The following PDRG1 variants were observed in gnomAD, a reference collection of about 807,000 sequenced individuals.
PDRG1 encodes p53 and DNA damage-regulated protein 1.
In PDRG1, 14 loss-of-function variants were observed where a neutral mutation model predicts 18.4. That is an observed-to-expected ratio of 0.76 (90% CI 0.50 to 1.19). The LOEUF (loss-of-function observed/expected upper bound fraction) is 1.19, where lower values mean the gene tolerates loss of function less well. Among genes scored for constraint, PDRG1 ranks in the 50% most tolerant of loss-of-function variants. The pLI is 0.00. For synonymous variants in PDRG1, 65 were observed against 60.9 expected (o/e 1.07, Z -0.31); for missense variants, 177 against 160.1 (o/e 1.11, Z -0.57).
Position 31,948,692 on chromosome 20 carries a change from C to T in PDRG1, c.238+116G>A, listed in dbSNP as rs956549983. Reference sequence around the variant, plus strand: ...AATTAAAACCCACAGCAGTCTGAACCCTGTGACAGAACTGCCTCTCCTTAC... The same window carrying T: ...AATTAAAACCCACAGCAGTCTGAACTCTGTGACAGAACTGCCTCTCCTTAC... On this transcript the variant is annotated intron_variant, in intron 3 of 4. Coordinates refer to ENST00000202017, the MANE Select transcript of PDRG1 (RefSeq NM_030815.3). 7 of 924,674 alleles carry T rather than the reference C, an allele frequency of 7.6e-6. No homozygotes were observed. In the Admixed American group the frequency reaches 1.4e-4, roughly 19 times the overall value. 57.3% of individuals were successfully genotyped at this position (924,674 alleles called of 1,614,324 possible).
intron 3 of PDRG1, among the ~76,000 whole-genome samples, chr20:31,948,386 T>C (rs1257364892): frequency 6.6e-6 from 1 of 152,224 alleles, no homozygotes; most frequent in Non-Finnish European, 1.5e-5. Context: ...CCTGCAACGA[T>C]GAAACAACAA....
Position 31,950,270 on chromosome 20 carries a change from G to A in PDRG1, c.163+42C>T, listed in dbSNP as rs762968344. 16 of 1,456,870 alleles carry A rather than the reference G, an allele frequency of 1.1e-5. No individual in the cohort carries two copies. In the African/African-American group the frequency reaches 1.1e-4, roughly 10 times the overall value. 90.2% of individuals were successfully genotyped at this position (1,456,870 alleles called of 1,614,324 possible). On this transcript the variant is annotated intron_variant, in intron 2 of 4. Transcript: ENST00000202017. ...CAAGGTAAAGGCCTTAAAGGAAAAC[G>A]GAACAGGCCTCCAGGGCTGCACTGA...
Position 31,944,524 on chromosome 20 carries a change from A to G in PDRG1, c.*1283T>C, listed in dbSNP as rs1333796061. The stretch of plus-strand genomic sequence containing the variant: ...GTGCTTGCACAAAAATTATTAGCTT[A>G]TAAGACACCAGCCTTCCCCTTGCTT... On this transcript the variant is annotated 3_prime_UTR_variant, in exon 5 of 5. Transcript: ENST00000202017. 2 of 152,360 alleles carry G rather than the reference A, an allele frequency of 1.3e-5. No homozygotes were observed. The highest frequency in any genetic ancestry group is 2.4e-5 in the African/African-American group (1 of 41,454). 9.4% of individuals were successfully genotyped at this position (152,360 alleles called of 1,614,324 possible). A position where few individuals can be genotyped will look rare whatever the true frequency, so the allele number is the denominator to read the frequency against.
rs1185977685 is a variant in PDRG1 at position 31,944,530 on chromosome 20, C to T, written c.*1277G>A. ...GCACAAAAATTATTAGCTTATAAGA[C>T]ACCAGCCTTCCCCTTGCTTTCCTCA... is the stretch of plus-strand genomic sequence containing the variant. On this transcript the variant is annotated 3_prime_UTR_variant, in exon 5 of 5. Coordinates refer to ENST00000202017, the MANE Select transcript of PDRG1 (RefSeq NM_030815.3). The T allele has an allele frequency of 6.6e-6, 1 of 152,342 alleles. No individual in the cohort carries two copies. Among genetic ancestry groups the T allele is most frequent in the Non-Finnish European group, 1.5e-5 (1 of 68,136 alleles). 9.4% of individuals were successfully genotyped at this position (152,342 alleles called of 1,614,324 possible).
rs916183260 is a variant in PDRG1 at position 31,948,889 on chromosome 20, G to C, written c.164-7C>G. 2 of 1,613,296 alleles carry C rather than the reference G, an allele frequency of 1.2e-6. No individual in the cohort carries two copies. Among genetic ancestry groups the C allele is most frequent in the Non-Finnish European group, 1.7e-6 (2 of 1,179,612 alleles). ...AAGCAAACCATCACATCTTCTGAAA[G>C]AGCAAATAGTAATTCCTTCAACAAT... On this transcript the variant is annotated splice_polypyrimidine_tract_variant and splice_region_variant and intron_variant, in intron 2 of 4. Transcript: ENST00000202017.
intron 4 of PDRG1, among the ~76,000 whole-genome samples, chr20:31,946,125 T>G (rs1229137275): frequency 6.6e-6 from 1 of 152,180 alleles, no homozygotes; most frequent in African/African-American, 2.4e-5. Context: ...CCAAGACCTG[T>G]GACCAATCTA....
chr20:31,948,937 T>C, intron 2 of PDRG1, 55 bp from the exon 3 acceptor site: 4 of 1,519,196 alleles, frequency 2.6e-6, no homozygotes, highest in Non-Finnish European at 2.7e-6. Context: ...ACCTATTATC[T>C]GCCAGGCATT....
chr20:31,950,452 G>C, intron 1 of PDRG1, 65 bp from the exon 2 acceptor site: 1 of 1,266,092 alleles, frequency 7.9e-7, no homozygotes, highest in Non-Finnish European at 1.2e-6. Flanking sequence ...CCTCTTGACA[G>C]ACAAGGGTTG....
At chr20:31,946,411 G>A (rs2064319301) in intron 4 of PDRG1, 85 bp downstream of exon 4, 2 of 1,285,624 alleles carry the variant, frequency 1.6e-6, no homozygotes, top group Non-Finnish European at 2.3e-6. Flanking sequence ...CCATCTCTGA[G>A]GGTCGGACTT....
intron 3 of PDRG1, among the ~76,000 whole-genome samples, chr20:31,947,267 G>C (rs1390191361): frequency 6.6e-6 from 1 of 152,326 alleles, no homozygotes; most frequent in South Asian, 2.1e-4. Flanking sequence ...TCTTTCAGAT[G>C]GGGGAGAAAC....
chr20:31,945,894 G>C lies in PDRG1; in HGVS notation c.320-5C>G. On this transcript the variant is annotated splice_region_variant and splice_polypyrimidine_tract_variant and intron_variant, in intron 4 of 4. Coordinates refer to ENST00000202017, the MANE Select transcript of PDRG1 (RefSeq NM_030815.3). ...AACCCTTCAGCTCCGGTTTGCCTAG[G>C]AGAGAAGATGATCCATCAGCACGTC... The C allele has an allele frequency of 6.2e-7, 1 of 1,612,314 alleles. No homozygotes were observed. Among genetic ancestry groups the C allele is most frequent in the Non-Finnish European group, 8.5e-7 (1 of 1,179,086 alleles).
intron 1 of PDRG1, 33 bp downstream of exon 1, chr20:31,951,842 G>A: frequency 3.3e-6 from 5 of 1,532,552 alleles, no homozygotes; most frequent in East Asian, 2.5e-5. Context: ...GGCGCCGGCC[G>A]CCAGGCCCCA....
intron 2 of PDRG1, among the ~76,000 whole-genome samples, chr20:31,949,204 C>T (rs916146878): frequency 6.6e-6 from 1 of 152,178 alleles, no homozygotes; most frequent in Admixed American, 6.5e-5. Flanking sequence ...GCCCTGCAGA[C>T]ATCTGGGGAA....
chr20:31,951,524 G>GC (rs1015230809), intron 1 of PDRG1, among the ~76,000 whole-genome samples: 1 of 152,048 alleles, frequency 6.6e-6, no homozygotes, highest in Non-Finnish European at 1.5e-5. Flanking sequence ...CGGTCACAAG[G>GC]CCCCCTCAGG....
intron 4 of PDRG1, 46 bp from the exon 5 acceptor site, chr20:31,945,935 T>G (rs182044668): frequency 1.2e-4 from 186 of 1,530,062 alleles, no homozygotes; most frequent in Non-Finnish European, 1.6e-4. Context: ...TCCTGCTGGC[T>G]CTGGAGCCAG....
intron 3 of PDRG1, among the ~76,000 whole-genome samples, chr20:31,948,155 C>A (rs2064330239): frequency 1.3e-5 from 2 of 152,180 alleles, no homozygotes; most frequent in Non-Finnish European, 2.9e-5. Context: ...TCTCCCCAAA[C>A]CTCCATTTTC....
intron 1 of PDRG1, among the ~76,000 whole-genome samples, chr20:31,951,451 G>A (rs1191140927): frequency 6.6e-6 from 1 of 151,970 alleles, no homozygotes; most frequent in Non-Finnish European, 1.5e-5. Flanking sequence ...TCAAAAACTT[G>A]GCACTTAAAA....
chr20:31,946,426 T>A (rs2064319507), intron 4 of PDRG1, 70 bp downstream of exon 4: 15 of 1,410,202 alleles, frequency 1.1e-5, no homozygotes, highest in Admixed American at 1.7e-5. Context: ...GGACTTCCCA[T>A]CCCTGCCCTT....
At position 31,944,990 on chromosome 20, in the gene PDRG1, C is replaced by G. The variant is rs1310519174; in HGVS notation, c.*817G>C. The G allele has an allele frequency of 6.6e-6, 1 of 152,208 alleles. No individual in the cohort carries two copies. Among genetic ancestry groups the G allele is most frequent in the Non-Finnish European group, 1.5e-5 (1 of 68,056 alleles). The allele number at this position is 152,208 out of a possible 1,614,324, so 9.4% of individuals were successfully genotyped here. On this transcript the variant is annotated 3_prime_UTR_variant, in exon 5 of 5. Transcript: ENST00000202017. ...TCATTCAGCTAACATTTATTGAGCC[C>G]TTAATGAACACATAAGAGTTTTGAC... is the stretch of plus-strand genomic sequence containing the variant.
Sources: allele counts gnomAD v4.1 joint callset (sites outside exome capture counted in the v4.1 genomes callset), GRCh38; gene constraint gnomAD v4.1.1; transcripts MANE v1.5; gene names NCBI Gene and HGNC (gene_info 2026-07-23, HGNC 2026-07-21).